The following NELL1 variants were observed in gnomAD, a reference collection of about 807,000 sequenced individuals.
NELL1 encodes the protein neural EGFL like 1, also known as protein kinase C-binding protein NELL1.
Under a neutral mutation model 107.4 loss-of-function variants are expected in NELL1, and 76 were observed. The observed-to-expected ratio is 0.71, with a 90% CI of 0.59 to 0.86. NELL1 has a LOEUF of 0.86. Among genes scored for constraint, NELL1 ranks in the 40% least tolerant of loss-of-function variants. The pLI is 0.00. For missense variants in NELL1, 1,024 were observed against 1,005.5 expected (o/e 1.02, Z -0.25); for synonymous variants, 353 against 341.2 (o/e 1.03, Z -0.38).
At chr11:21,025,226 C>G (rs904246404) in intron 12 of NELL1, among the ~76,000 whole-genome samples, 1 of 151,970 alleles carries the variant, frequency 6.6e-6, no homozygotes, top group Non-Finnish European at 1.5e-5. Context: ...TTATAAAAAC[C>G]ATAGCATTCT....
chr11:20,820,665 T>G (rs969421845), intron 3 of NELL1, among the ~76,000 whole-genome samples: 1 of 152,176 alleles, frequency 6.6e-6, no homozygotes, highest in African/African-American at 2.4e-5. Context: ...TTCACAGGCA[T>G]GTCCAGCTTC....
intron 16 of NELL1, among the ~76,000 whole-genome samples, chr11:21,556,331 A>T (rs566342935): frequency 6.6e-6 from 1 of 151,946 alleles, no homozygotes; most frequent in South Asian, 2.1e-4. Flanking sequence ...GTTATTCAAG[A>T]AAGAGGAATA....
At chr11:21,157,542 T>G (rs892796018) in intron 13 of NELL1, among the ~76,000 whole-genome samples, 2 of 152,196 alleles carry the variant, frequency 1.3e-5, no homozygotes, top group Non-Finnish European at 2.9e-5. Flanking sequence ...CAGTTCTTGC[T>G]GAGCCATGAG....
intron 13 of NELL1, among the ~76,000 whole-genome samples, chr11:21,165,295 C>T (rs370716148): frequency 7.9e-5 from 12 of 152,282 alleles, no homozygotes; most frequent in African/African-American, 2.4e-4. Context: ...AACGTCTATA[C>T]CCTAGTCATC....
intron 14 of NELL1, among the ~76,000 whole-genome samples, chr11:21,274,414 C>G (rs531627475): frequency 3.9e-4 from 59 of 152,264 alleles, no homozygotes; most frequent in African/African-American, 1.4e-3. Flanking sequence ...CCTTAGAGAC[C>G]TACAAAGAGA....
Position 21,113,587 on chromosome 11 carries a change from A to G in NELL1, c.1301-2A>G. On this transcript the variant is annotated splice_acceptor_variant, in intron 12 of 19. Transcript: ENST00000357134. LOFTEE classifies it high-confidence loss of function. The stretch of plus-strand genomic sequence containing the variant: ...TGATCTTACTTATTTTTTTTCCTTC[A>G]GATATTGATGAGTGTGCAGCTAAGA... 6.2e-7 allele frequency: 1 copy of G among 1,606,638 alleles called. No individual in the cohort carries two copies.
intron 16 of NELL1, among the ~76,000 whole-genome samples, chr11:21,540,438 A>G (rs1564949725): frequency 3.3e-5 from 5 of 152,050 alleles, no homozygotes; most frequent in Admixed American, 2.0e-4. Flanking sequence ...AACATGAAAT[A>G]TTTACCTTTC....
chr11:20,829,459 C>G (rs1276313412), intron 3 of NELL1, among the ~76,000 whole-genome samples: 1 of 152,026 alleles, frequency 6.6e-6, no homozygotes, highest in East Asian at 1.9e-4. Flanking sequence ...AATGCCTGAC[C>G]TCATGATCCA....
chr11:21,356,533 T>TG (rs1257678916), intron 14 of NELL1, among the ~76,000 whole-genome samples: 3 of 152,086 alleles, frequency 2.0e-5, no homozygotes, highest in Non-Finnish European at 2.9e-5. Context: ...CTCCTGCAAA[T>TG]GGGGGGCATT....
intron 11 of NELL1, among the ~76,000 whole-genome samples, chr11:20,952,767 A>C (rs1423337876): frequency 6.6e-6 from 1 of 152,214 alleles, no homozygotes; most frequent in Non-Finnish European, 1.5e-5. Flanking sequence ...AAGGTCTATG[A>C]AGCTTCCAAA....
chr11:21,145,050 A>G (rs1855947571), intron 13 of NELL1, among the ~76,000 whole-genome samples: 2 of 152,206 alleles, frequency 1.3e-5, no homozygotes, highest in Admixed American at 1.3e-4. Flanking sequence ...TGATGATTAA[A>G]TGAGTTGGCA....
chr11:21,159,268 G>T (rs1177712398), intron 13 of NELL1, among the ~76,000 whole-genome samples: 1 of 152,124 alleles, frequency 6.6e-6, no homozygotes, highest in Non-Finnish European at 1.5e-5. Context: ...TGCCTACTTG[G>T]ATCTTTAAAT....
Position 21,534,500 on chromosome 11 carries a change from G to A in NELL1, c.1772G>A (p.Gly591Glu). Residue 591 changes from glycine to glutamate, a missense_variant, in exon 16 of 20, where the codon GGG (glycine) becomes GAG (glutamate). Coordinates refer to ENST00000357134, the MANE Select transcript of NELL1 (RefSeq NM_006157.5). The part of the protein sequence containing the change: ...FHDDGTYSLS[G>E]ESCIDIDECA... Reference sequence around the variant, plus strand: ...GACGATGGGACCTATTCACTGTCCGGGGAGTCCTGTATTGGTAAGCAGCTT... The same window carrying A: ...GACGATGGGACCTATTCACTGTCCGAGGAGTCCTGTATTGGTAAGCAGCTT... 1 of 1,613,764 alleles carries A rather than the reference G, an allele frequency of 6.2e-7. No individual in the cohort carries two copies. Among genetic ancestry groups the A allele is most frequent in the Non-Finnish European group, 8.5e-7 (1 of 1,179,776 alleles).
chr11:21,411,829 G>GAAT (rs1432231585), intron 15 of NELL1, among the ~76,000 whole-genome samples: 1 of 152,118 alleles, frequency 6.6e-6, no homozygotes, highest in Non-Finnish European at 1.5e-5. Flanking sequence ...GAGGTTCAAT[G>GAAT]AAGGTGTGAA....
At chr11:21,415,556 A>G (rs954988312) in intron 15 of NELL1, among the ~76,000 whole-genome samples, 4 of 152,024 alleles carry the variant, frequency 2.6e-5, no homozygotes, top group African/African-American at 9.7e-5. Context: ...TGTTTTGCTT[A>G]TCATTCATTT....
chr11:21,456,967 C>G (rs1853761256), intron 15 of NELL1, among the ~76,000 whole-genome samples: 1 of 150,214 alleles, frequency 6.7e-6, no homozygotes, highest in South Asian at 2.1e-4. Context: ...TTCTATATCC[C>G]TTAAGAAATT....
intron 13 of NELL1, among the ~76,000 whole-genome samples, chr11:21,209,487 C>G (rs1857456415): frequency 6.6e-6 from 1 of 151,716 alleles, no homozygotes; most frequent in Admixed American, 6.6e-5. Context: ...AATATTTTGT[C>G]TAAGTATAAC....
rs1855228239 is a variant in NELL1 at position 21,116,052 on chromosome 11, C to T, written c.1426+2338C>T. Reference sequence around the variant, plus strand: ...CCTCACCTTACATTTATTCAGCTCACATATGCTCCTCACCTCTCTCCAGTC... The same window carrying T: ...CCTCACCTTACATTTATTCAGCTCATATATGCTCCTCACCTCTCTCCAGTC... On this transcript the variant is annotated intron_variant, in intron 13 of 19. Coordinates refer to ENST00000357134, the MANE Select transcript of NELL1 (RefSeq NM_006157.5). Among the ~76,000 whole-genome samples, 3 of 151,998 alleles carry T rather than the reference C, an allele frequency of 2.0e-5. No homozygotes were observed. The South Asian group carries it at 6.2e-4, about 32-fold the overall frequency.
At chr11:21,434,068 T>A (rs1853041451) in intron 15 of NELL1, among the ~76,000 whole-genome samples, 1 of 152,236 alleles carries the variant, frequency 6.6e-6, no homozygotes, top group Non-Finnish European at 1.5e-5. Flanking sequence ...GAGACGTTTG[T>A]GGTCCTTGTA....
Sources: gnomAD v4.1 joint callset for allele counts (sites outside exome capture counted in the v4.1 genomes callset) on GRCh38, gnomAD v4.1.1 for gene constraint, MANE v1.5 for transcripts, NCBI Gene and HGNC (gene_info 2026-07-23, HGNC 2026-07-21) for gene names.